MYO1F: variants seen among roughly 807,000 people sequenced by gnomAD.
MYO1F encodes myosin IF.
A neutral mutation model predicts 146.6 loss-of-function variants in MYO1F; 60 were observed. That is an observed-to-expected ratio of 0.41 (90% CI 0.33 to 0.51). The LOEUF (loss-of-function observed/expected upper bound fraction) is 0.51, where lower values mean the gene tolerates loss of function less well. MYO1F is among the 20% of genes least tolerant of loss of function. The probability of loss-of-function intolerance (pLI) is 0.25; values close to 1 mark genes in which losing one functional copy is unlikely to be tolerated. For synonymous variants in MYO1F, 602 were observed against 602.1 expected (o/e 1.00, Z 0.00); for missense variants, 1,274 against 1,534.3 (o/e 0.83, Z 2.83).
chr19:8,529,519 C>T (rs990791639), intron 21 of MYO1F, among the ~76,000 whole-genome samples: 21 of 151,980 alleles, frequency 1.4e-4, no homozygotes, highest in African/African-American at 5.1e-4. Flanking sequence ...AGAGCATGTA[C>T]CTATGGACTA....
chr19:8,563,294 C>CT (rs938198498), intron 1 of MYO1F, among the ~76,000 whole-genome samples: 3,664 of 118,620 alleles, frequency 0.031, 168 homozygotes, highest in African/African-American at 0.066. Flanking sequence ...TGCTTGGCCA[C>CT]TTTTTTTTTT....
intron 1 of MYO1F, among the ~76,000 whole-genome samples, chr19:8,556,848 T>C (rs189056782): frequency 2.1e-3 from 302 of 144,344 alleles, no homozygotes; most frequent in African/African-American, 7.5e-3. Flanking sequence ...GATTGTGCCA[T>C]TGCACTCCAG....
intron 1 of MYO1F, among the ~76,000 whole-genome samples, chr19:8,566,263 G>A (rs1349947315): frequency 2.1e-5 from 3 of 145,800 alleles, no homozygotes; most frequent in African/African-American, 5.1e-5. Flanking sequence ...TGCCTCCCGG[G>A]TTCACGCCAT....
intron 25 of MYO1F, chr19:8,525,235 A>C: frequency 3.3e-6 from 1 of 299,972 alleles, no homozygotes; most frequent in East Asian, 5.9e-5. Context: ...TGTAGTTTAC[A>C]GGGCAGGAGT....
chr19:8,551,517 A>G (rs1035544319), intron 8 of MYO1F: 1 of 549,016 alleles, frequency 1.8e-6, no homozygotes, highest in African/African-American at 1.9e-5. Flanking sequence ...ACATCTGGCT[A>G]ATTTTTGTAT....
chr19:8,553,892 A>ACTCTCTCTCTCT (rs569819927), intron 4 of MYO1F, among the ~76,000 whole-genome samples: 2,334 of 104,906 alleles, frequency 0.022, 38 homozygotes, highest in East Asian at 0.056. Context: ...ACACACACAC[A>ACTCTCTCTCTCT]CACTCTCTCT....
intron 21 of MYO1F, 131 bp from the exon 22 acceptor site, chr19:8,527,614 A>T: frequency 8.9e-7 from 1 of 1,128,800 alleles, no homozygotes; most frequent in Non-Finnish European, 1.3e-6. Context: ...GTGAAGGTGT[A>T]TGAGTCGTCT....
chr19:8,526,852 C>T lies in MYO1F; in HGVS notation c.2558G>A (p.Ser853Asn). ...CTCCTCGAAGCGCTTGCACAGAAGGCTGACAAACTCGGTCTTGAAGACGCT... is the reference window on the plus strand; with the variant it reads ...CTCCTCGAAGCGCTTGCACAGAAGGTTGACAAACTCGGTCTTGAAGACGCT... The part of the protein sequence containing the change: ...LESVFKTEFV[S>N]LLCKRFEEAT... The change falls in exon 23 of 28, where the codon AGC becomes AAC. Residue 853 changes from serine to asparagine, a missense_variant. Around this residue, in one of 2 missense-constraint regions of MYO1F, gnomAD observed 374 missense variants for 379.2 expected, o/e 0.99. Transcript: ENST00000644032. 6.2e-7 allele frequency: 1 copy of T among 1,613,980 alleles called. No individual in the cohort carries two copies. The highest frequency in any genetic ancestry group is 8.5e-7 in the Non-Finnish European group (1 of 1,179,996).
chr19:8,571,571 C>T (rs540582566), intron 1 of MYO1F, among the ~76,000 whole-genome samples: 146 of 149,302 alleles, frequency 9.8e-4, no homozygotes, highest in African/African-American at 3.0e-3. Context: ...CCCGCCACCG[C>T]GCCCGGCTAA....
chr19:8,529,992 G>A lies in MYO1F; in HGVS notation c.2328+204C>T, dbSNP rs747314837. On this transcript the variant is annotated intron_variant, in intron 21 of 27. Coordinates refer to ENST00000644032, the MANE Select transcript of MYO1F (RefSeq NM_012335.4). ...ACAGGTGTGTCTGTGCCAGGTGAGG[G>A]TATACCTGTGATGGAACAGATGGAT... is the stretch of plus-strand genomic sequence containing the variant. 13 of 698,970 alleles carry A rather than the reference G, an allele frequency of 1.9e-5. No individual in the cohort carries two copies. The East Asian group carries it at 3.2e-4, about 17-fold the overall frequency. The allele number at this position is 698,970 out of a possible 1,614,324, so 43.3% of individuals were successfully genotyped here.
chr19:8,523,238 T>C (rs1324616796), intron 25 of MYO1F, among the ~76,000 whole-genome samples: 2 of 152,254 alleles, frequency 1.3e-5, no homozygotes, highest in African/African-American at 4.8e-5. Context: ...TTTCATCATG[T>C]TAGCCAGGAT....
In MYO1F at chr19:8,540,014, A is replaced by G. The variant is rs771454462; in HGVS notation, c.1625T>C (p.Met542Thr). ...TCCATCCAGCTTCTCGGGGAAGAGC[A>G]TCCGGAGGAAGGCCCTGGGTAGGAA... is the stretch of plus-strand genomic sequence containing the variant. ...MQTSEQAFLR[M>T]LFPEKLDGDK... The change falls in exon 16 of 28, where the codon ATG becomes ACG. Residue 542 changes from methionine (M) to threonine (T), a missense_variant. Met to Thr is a moderately conservative substitution (Grantham distance 81). Around this residue, in one of 2 missense-constraint regions of MYO1F, gnomAD observed 900 missense variants for 1,155.1 expected, o/e 0.78. Transcript: ENST00000644032. 3 of 1,611,890 alleles carry G rather than the reference A, an allele frequency of 1.9e-6. No homozygotes were observed. In the African/African-American group the frequency reaches 4.0e-5, roughly 22 times the overall value.
At chr19:8,571,801 G>GCA (rs2042114959) in intron 1 of MYO1F, among the ~76,000 whole-genome samples, 1 of 152,090 alleles carries the variant, frequency 6.6e-6, no homozygotes, top group Non-Finnish European at 1.5e-5. Flanking sequence ...GTTTCACCAT[G>GCA]TTAGCCAGGA....
In MYO1F at chr19:8,577,412, C is replaced by T; in HGVS notation, c.-103G>A. On this transcript the variant is annotated 5_prime_UTR_variant, in exon 1 of 28. Coordinates refer to ENST00000644032, the MANE Select transcript of MYO1F (RefSeq NM_012335.4). This position sits in a 1 kb window ranked among gnomAD's most constrained non-coding sequence, Gnocchi z 4.3. ...GGGTGGCTTGGGCATGGCCCTGCTT[C>T]TGCCCGTTCACCGGACTCCCGGCTT... is the stretch of plus-strand genomic sequence containing the variant. 1.5e-6 allele frequency: 2 copies of T among 1,329,008 alleles called. No homozygotes were observed. The highest frequency in any genetic ancestry group is 2.2e-6 in the Non-Finnish European group (2 of 928,508). 82.3% of individuals were successfully genotyped at this position (1,329,008 alleles called of 1,614,324 possible). A position where few individuals can be genotyped will look rare whatever the true frequency, so the allele number is the denominator to read the frequency against.
chr19:8,545,564 T>G (rs1485153147), intron 13 of MYO1F, 86 bp downstream of exon 13: 21 of 1,134,552 alleles, frequency 1.9e-5, no homozygotes, highest in Non-Finnish European at 2.6e-5. Flanking sequence ...GAGGATGCCA[T>G]AACACCCTTG....
intron 24 of MYO1F, 43 bp from the exon 25 acceptor site, chr19:8,525,605 G>T (rs777887982): frequency 2.6e-6 from 4 of 1,532,408 alleles, no homozygotes; most frequent in South Asian, 2.3e-5. Flanking sequence ...GACAGACCAC[G>T]CTCTTTGCCC....
In MYO1F at chr19:8,568,422, C is replaced by CAA. The variant is rs55833513; in HGVS notation, c.3+8883_3+8884dup. On this transcript the variant is annotated intron_variant, in intron 1 of 27. Coordinates refer to ENST00000644032, the MANE Select transcript of MYO1F (RefSeq NM_012335.4). ...TGGGTGAAAGAGTGAGACTCCGTCT[C>CAA]AAAAAAAAAAAAAAAAAAAAAAATT... is the stretch of plus-strand genomic sequence containing the variant. Among the ~76,000 whole-genome samples, 656 of 65,744 alleles carry CAA rather than the reference C, an allele frequency of 1.0e-2. 30 individuals are homozygous for CAA. Among genetic ancestry groups the CAA allele is most frequent in the African/African-American group, 0.028 (401 of 14,312 alleles). 43.1% of individuals were successfully genotyped at this position (65,744 alleles called of 152,430 possible).
At chr19:8,574,323 A>G (rs2042163814) in intron 1 of MYO1F, among the ~76,000 whole-genome samples, 1 of 152,194 alleles carries the variant, frequency 6.6e-6, no homozygotes, top group African/African-American at 2.4e-5. Context: ...ACCTCCGTCC[A>G]TCCTCATTGC....
chr19:8,553,467 G>T, intron 4 of MYO1F, 30 bp from the exon 5 acceptor site: 4 of 1,599,220 alleles, frequency 2.5e-6, no homozygotes, highest in Non-Finnish European at 3.4e-6. Flanking sequence ...TAAATGATCA[G>T]TGGTTGGGGA....
Sources: allele counts gnomAD v4.1 joint callset (sites outside exome capture counted in the v4.1 genomes callset), GRCh38; gene constraint gnomAD v4.1.1; regional missense constraint gnomAD v4.1.1; non-coding constraint Gnocchi (gnomAD v3.1); transcripts MANE v1.5; gene names NCBI Gene and HGNC (gene_info 2026-07-23, HGNC 2026-07-21).